Variants in SYCP2L observed in about 807,000 individuals in gnomAD.
SYCP2L encodes the protein synaptonemal complex protein 2 like.
SYCP2L carries 98 observed loss-of-function variants against 125.8 expected under a neutral mutation model. The ratio of observed to expected loss-of-function variants is 0.78; its 90% CI spans 0.66 to 0.92. The LOEUF is 0.92. Among genes scored for constraint, SYCP2L ranks in the 40% least tolerant of loss-of-function variants. The pLI is 0.00. For missense variants in SYCP2L, 842 were observed against 936.4 expected (o/e 0.90, Z 1.32); for synonymous variants, 317 against 325.4 (o/e 0.97, Z 0.28).
At chr6:10,952,083 C>T (rs78402280) in intron 23 of SYCP2L, among the ~76,000 whole-genome samples, 4,091 of 152,216 alleles carry the variant, frequency 0.027, 150 homozygotes, top group East Asian at 0.2. Context: ...GACTTGACTG[C>T]GTTTGTGTTT....
intron 4 of SYCP2L, among the ~76,000 whole-genome samples, chr6:10,896,419 T>TTGGGAGGGTGC (rs747441977): frequency 6.6e-6 from 1 of 152,010 alleles, no homozygotes; most frequent in Non-Finnish European, 1.5e-5. Context: ...ACCAGTATAT[T>TTGGGAGGGTGC]TGGGAGGGTG....
chr6:10,948,644 C>G (rs1458991496), intron 23 of SYCP2L, among the ~76,000 whole-genome samples: 1 of 152,062 alleles, frequency 6.6e-6, no homozygotes, highest in East Asian at 1.9e-4. Flanking sequence ...AGCTTTACAT[C>G]TACACTCATG....
At chr6:10,908,589 G>A (rs1208203915) in intron 10 of SYCP2L, among the ~76,000 whole-genome samples, 1 of 152,164 alleles carries the variant, frequency 6.6e-6, no homozygotes, top group East Asian at 1.9e-4. Flanking sequence ...TAAAATGAGG[G>A]TTAGACTCTT....
At chr6:10,898,881 A>G in intron 6 of SYCP2L, 33 bp downstream of exon 6, 1 of 1,239,988 alleles carries the variant, frequency 8.1e-7, no homozygotes, top group South Asian at 1.2e-5. Flanking sequence ...ATTGGCTATT[A>G]ATTTTTCATT....
chr6:10,953,246 A>G (rs1581842159), intron 23 of SYCP2L, among the ~76,000 whole-genome samples: 1 of 152,166 alleles, frequency 6.6e-6, no homozygotes, highest in African/African-American at 2.4e-5. Flanking sequence ...ATATATTTAT[A>G]GATTCCTCCA....
At chr6:10,950,665 G>A (rs1487258864) in intron 23 of SYCP2L, among the ~76,000 whole-genome samples, 1 of 152,138 alleles carries the variant, frequency 6.6e-6, no homozygotes, top group Admixed American at 6.5e-5. Context: ...ACAGAAGCTA[G>A]GTGAGAAGAA....
chr6:10,936,491 A>G (rs78177101), intron 21 of SYCP2L, among the ~76,000 whole-genome samples: 1 of 144,242 alleles, frequency 6.9e-6, no homozygotes, highest in African/African-American at 2.5e-5. Context: ...TCTCACAAAG[A>G]AAAAAAAATA....
At position 10,899,779 on chromosome 6, in the gene SYCP2L, C is replaced by G. The variant is rs184495753; in HGVS notation, c.466+931C>G. ...TTAAGCATGCCCTGTGCTTGGTTGACTTTAAAACTTGGTTGACTTGGTTGG... is the reference window on the plus strand; with the variant it reads ...TTAAGCATGCCCTGTGCTTGGTTGAGTTTAAAACTTGGTTGACTTGGTTGG... On this transcript the variant is annotated intron_variant, in intron 6 of 29. Coordinates refer to ENST00000283141, the MANE Select transcript of SYCP2L (RefSeq NM_001040274.3). 3.0e-4 allele frequency among the ~76,000 whole-genome samples: 45 copies of G among 152,298 alleles called. 2 individuals carry two copies. In the East Asian group the frequency reaches 7.9e-3, roughly 27 times the overall value.
chr6:10,910,972 CT>C, intron 12 of SYCP2L, 103 bp downstream of exon 12: 1 of 1,290,120 alleles, frequency 7.8e-7, no homozygotes, highest in South Asian at 1.2e-5. Flanking sequence ...CTCAAAAGGG[CT>C]TTTTAAAAAA....
Position 10,902,709 on chromosome 6 carries a change from A to G in SYCP2L, c.499A>G (p.Ser167Gly). 6.2e-7 allele frequency: 1 copy of G among 1,614,048 alleles called. No individual in the cohort carries two copies. The highest frequency in any genetic ancestry group is 8.5e-7 in the Non-Finnish European group (1 of 1,179,978). Residue 167 changes from serine (S) to glycine (G), a missense_variant, in exon 7 of 30, where the codon AGC (serine) becomes GGC (glycine). By Grantham distance (56) the Ser-to-Gly change is moderately conservative. Transcript: ENST00000283141. Reference sequence around the variant, plus strand: ...TCAGATGTTGGATTCCTTCCTACTTAGCTTAGGATTCCTGGTGACAGAAAA... The same window carrying G: ...TCAGATGTTGGATTCCTTCCTACTTGGCTTAGGATTCCTGGTGACAGAAAA... Reference protein sequence around the residue: ...KIQMLDSFLLSLGFLVTEKTV... With the variant: ...KIQMLDSFLLGLGFLVTEKTV...
chr6:10,893,859 C>A lies in SYCP2L; in HGVS notation c.79-8C>A, dbSNP rs1780213323. 2 of 1,603,030 alleles carry A rather than the reference C, an allele frequency of 1.2e-6. No homozygotes were observed. Among genetic ancestry groups the A allele is most frequent in the Non-Finnish European group, 1.7e-6 (2 of 1,177,916 alleles). ...GAAAAAGTAATTTGCAAACTATCAT[C>A]TTTCCAGCTTCAATCACTTATTACG... On this transcript the variant is annotated splice_region_variant and splice_polypyrimidine_tract_variant and intron_variant, in intron 2 of 29. Coordinates refer to ENST00000283141, the MANE Select transcript of SYCP2L (RefSeq NM_001040274.3).
chr6:10,908,796 G>T (rs1352273084), intron 10 of SYCP2L, among the ~76,000 whole-genome samples: 1 of 152,118 alleles, frequency 6.6e-6, no homozygotes, highest in African/African-American at 2.4e-5. Flanking sequence ...ATGAGCTTTG[G>T]GGCTATCCCA....
intron 14 of SYCP2L, among the ~76,000 whole-genome samples, chr6:10,915,744 G>A (rs1010285878): frequency 6.6e-6 from 1 of 152,068 alleles, no homozygotes. Context: ...AAGAATTTTA[G>A]CATCTATGTT....
intron 14 of SYCP2L, among the ~76,000 whole-genome samples, chr6:10,922,201 C>G (rs1780810544): frequency 6.6e-6 from 1 of 152,048 alleles, no homozygotes; most frequent in Admixed American, 6.6e-5. Context: ...ATGAATAGAT[C>G]ACGTTTCTGT....
At chr6:10,928,936 T>C (rs1210769501) in intron 18 of SYCP2L, among the ~76,000 whole-genome samples, 1 of 150,800 alleles carries the variant, frequency 6.6e-6, no homozygotes, top group Non-Finnish European at 1.5e-5. Flanking sequence ...TTTTTAAGAC[T>C]GAGTTTCGCT....
At chr6:10,893,576 C>T (rs1319034954) in intron 2 of SYCP2L, among the ~76,000 whole-genome samples, 2 of 152,066 alleles carry the variant, frequency 1.3e-5, no homozygotes, top group African/African-American at 2.4e-5. Flanking sequence ...TCAGCATGCA[C>T]GAGAATCACG....
intron 23 of SYCP2L, among the ~76,000 whole-genome samples, chr6:10,953,619 G>T (rs938276187): frequency 6.6e-6 from 1 of 152,130 alleles, no homozygotes; most frequent in African/African-American, 2.4e-5. Context: ...TGGGTATTCT[G>T]CAGCATTCAT....
rs760611200 is a variant in SYCP2L at position 10,910,886 on chromosome 6, TGGAGGTCCTGA to T, written c.918+20_918+30del. The T allele has an allele frequency of 3.1e-6, 5 of 1,613,820 alleles. No homozygotes were observed. The East Asian group carries it at 1.1e-4, about 36-fold the overall frequency. Reference sequence around the variant, plus strand: ...GAGCATGAGGTATGTTCATCCCTCTTGGAGGTCCTGAGGGCGGTGTGCAGTGAAACCAGGAG... The same window carrying T: ...GAGCATGAGGTATGTTCATCCCTCTTGGGCGGTGTGCAGTGAAACCAGGAG... On this transcript the variant is annotated intron_variant, in intron 12 of 29. Transcript: ENST00000283141.
At chr6:10,958,652 C>A in intron 25 of SYCP2L, 132 bp from the exon 26 acceptor site, 1 of 782,490 alleles carries the variant, frequency 1.3e-6, no homozygotes, top group Non-Finnish European at 2.0e-6. Context: ...GATGCCTGAT[C>A]ACACTTGCTT....
Sources: gnomAD v4.1 joint callset for allele counts (sites outside exome capture counted in the v4.1 genomes callset) on GRCh38, gnomAD v4.1.1 for gene constraint, MANE v1.5 for transcripts, NCBI Gene and HGNC (gene_info 2026-07-23, HGNC 2026-07-21) for gene names.